C8B: variants seen among roughly 807,000 people sequenced by gnomAD.
The protein encoded by C8B is complement C8 beta chain, also known as complement component C8 beta chain.
Under a neutral mutation model 64.6 loss-of-function variants are expected in C8B, and 67 were observed. The observed-to-expected ratio is 1.04, with a 90% confidence interval of 0.85 to 1.27. The LOEUF is 1.27. C8B is among the 50% of genes most tolerant of loss of function. The probability of loss-of-function intolerance (pLI) is 0.00; values close to 1 mark genes in which losing one functional copy is unlikely to be tolerated. For synonymous variants in C8B, 284 were observed against 257.7 expected (o/e 1.10, Z -0.98); for missense variants, 790 against 725.2 (o/e 1.09, Z -1.03).
chr1:56,950,213 T>C (rs1318823822), intron 5 of C8B, among the ~76,000 whole-genome samples: 2 of 152,200 alleles, frequency 1.3e-5, no homozygotes, highest in Non-Finnish European at 2.9e-5. Flanking sequence ...AATTCAAGTA[T>C]GACCTAGCAG....
rs753054383 is a variant in C8B at position 56,960,156 on chromosome 1, A to C, written c.113T>G (p.Phe38Cys). The C allele has an allele frequency of 1.9e-6, 3 of 1,614,188 alleles. No homozygotes were observed. In the East Asian group the frequency reaches 6.7e-5, roughly 36 times the overall value. ...GCTCTTGTTGACTGCATTTGACCCA[A>C]AGGAATGTGGCCTTTCACCTCTAAA... is the stretch of plus-strand genomic sequence containing the variant. ...PGSRGERPHS[F>C]GSNAVNKSFA... Residue 38 changes from phenylalanine to cysteine, a missense_variant, in exon 2 of 12, where the codon TTT (phenylalanine) becomes TGT (cysteine). By Grantham distance (205) the Phe-to-Cys change is radical. Coordinates refer to ENST00000371237, the MANE Select transcript of C8B (RefSeq NM_000066.4).
chr1:56,955,405 G>T (rs1378094594), intron 3 of C8B, among the ~76,000 whole-genome samples: 1 of 152,166 alleles, frequency 6.6e-6, no homozygotes, highest in Non-Finnish European at 1.5e-5. Context: ...CAACAACATA[G>T]TCATTTGGAT....
chr1:56,953,858 G>A (rs115511830), intron 4 of C8B, among the ~76,000 whole-genome samples: 3,015 of 152,186 alleles, frequency 0.02, 96 homozygotes, highest in African/African-American at 0.069. Flanking sequence ...CAACTTTCCC[G>A]GGCCTCAGTT....
intron 8 of C8B, among the ~76,000 whole-genome samples, chr1:56,941,399 T>C (rs1644852795): frequency 6.6e-6 from 1 of 151,894 alleles, no homozygotes; most frequent in Non-Finnish European, 1.5e-5. Flanking sequence ...GGAAGATAGA[T>C]GATAGGTAAG....
intron 10 of C8B, 25 bp downstream of exon 10, chr1:56,933,310 G>A (rs1313505839): frequency 1.9e-6 from 3 of 1,607,358 alleles, no homozygotes; most frequent in East Asian, 2.2e-5. Flanking sequence ...TTCCACCAGG[G>A]ACACCAGCTG....
chr1:56,949,453 T>C (rs1010975053), intron 6 of C8B, 102 bp downstream of exon 6: 1 of 1,127,362 alleles, frequency 8.9e-7, no homozygotes, highest in Non-Finnish European at 1.3e-6. Context: ...GCCAAGTAAA[T>C]GTCTTTTCTT....
intron 10 of C8B, among the ~76,000 whole-genome samples, chr1:56,932,533 C>T (rs1644716866): frequency 6.6e-6 from 1 of 152,138 alleles, no homozygotes; most frequent in Admixed American, 6.5e-5. Context: ...AGATTAAAAT[C>T]TTGAGTTGAT....
chr1:56,941,555 AG>A (rs1644864306), intron 8 of C8B, among the ~76,000 whole-genome samples: 1 of 150,610 alleles, frequency 6.6e-6, no homozygotes, highest in Non-Finnish European at 1.5e-5. Flanking sequence ...GATAGATAAT[AG>A]ACAGACAGAC....
chr1:56,953,716 A>T (rs1645059402), intron 4 of C8B, among the ~76,000 whole-genome samples: 1 of 152,200 alleles, frequency 6.6e-6, no homozygotes, highest in Non-Finnish European at 1.5e-5. Flanking sequence ...CACGTAGATA[A>T]GTGCCTTGCC....
chr1:56,941,909 G>GT (rs1171901062), intron 8 of C8B, among the ~76,000 whole-genome samples: 1 of 152,222 alleles, frequency 6.6e-6, no homozygotes, highest in Non-Finnish European at 1.5e-5. Flanking sequence ...CCAGGCATGA[G>GT]TCCATCTCTG....
intron 8 of C8B, among the ~76,000 whole-genome samples, chr1:56,941,309 T>C (rs1045489248): frequency 3.9e-5 from 6 of 152,096 alleles, no homozygotes; most frequent in African/African-American, 7.2e-5. Context: ...CTAGATTAGA[T>C]AGATAAATAA....
chr1:56,964,483 C>G (rs1645223675), intron 1 of C8B, among the ~76,000 whole-genome samples: 1 of 152,188 alleles, frequency 6.6e-6, no homozygotes, highest in African/African-American at 2.4e-5. Context: ...CAAGCCAGCT[C>G]TCTCACACTC....
At chr1:56,952,315 C>A in intron 4 of C8B, 135 bp from the exon 5 acceptor site, 1 of 1,205,914 alleles carries the variant, frequency 8.3e-7, no homozygotes, top group Non-Finnish European at 1.2e-6. Flanking sequence ...TCCAAGCCAG[C>A]TTTCCAGCTT....
Position 56,929,499 on chromosome 1 carries a change from G to A in C8B, c.1681C>T (p.Arg561Cys), listed in dbSNP as rs567887687. The A allele has an allele frequency of 6.6e-5, 107 of 1,613,740 alleles. No homozygotes were observed. In the South Asian group the frequency reaches 6.8e-4, roughly 10 times the overall value. The change falls in exon 12 of 12, where the codon CGT becomes TGT. Residue 561 changes from arginine to cysteine, a missense_variant. Arg to Cys is a radical substitution (Grantham distance 180). Coordinates refer to ENST00000371237, the MANE Select transcript of C8B (RefSeq NM_000066.4). ...TTACACTGCCTTTGTCTTGTCTTAC[G>A]TCTTCCAGAGCATGAAGACCAATTT... The part of the protein sequence containing the change: ...WSNWSSCSGR[R>C]KTRQRQCNNP...
intron 1 of C8B, among the ~76,000 whole-genome samples, chr1:56,964,953 C>T (rs1004631000): frequency 6.6e-6 from 1 of 152,194 alleles, no homozygotes; most frequent in Non-Finnish European, 1.5e-5. Context: ...ATAGCTGTTA[C>T]TTATTGAGTG....
chr1:56,952,099 G>A lies in C8B; in HGVS notation c.615C>T (p.Ile205=). Residue 205 remains isoleucine, a synonymous_variant, in exon 5 of 12, where the codon ATC becomes ATT. Transcript: ENST00000371237. The stretch of plus-strand genomic sequence containing the variant: ...AGGGCTTCCTAAACCTCGTGTTCAG[G>A]ATGTAATGCGGGGAGCATCCACCTG... The part of the protein sequence containing the change: ...YYAGGCSPHY[I]LNTRFRKPYN... The A allele has an allele frequency of 6.2e-7, 1 of 1,614,164 alleles. No individual in the cohort carries two copies. The highest frequency in any genetic ancestry group is 2.2e-5 in the East Asian group (1 of 44,872).
intron 11 of C8B, 87 bp downstream of exon 11, chr1:56,931,723 A>AGC: frequency 1.2e-6 from 1 of 865,734 alleles, no homozygotes; most frequent in South Asian, 1.4e-5. Flanking sequence ...CCTAGTATCC[A>AGC]GCCCCACACT....
At chr1:56,957,321 G>C (rs758615192) in intron 2 of C8B, among the ~76,000 whole-genome samples, 1 of 152,084 alleles carries the variant, frequency 6.6e-6, no homozygotes, top group African/African-American at 2.4e-5. Context: ...TACTCCACTG[G>C]GTTGATTCAA....
intron 9 of C8B, among the ~76,000 whole-genome samples, chr1:56,937,171 G>A (rs1644787295): frequency 6.6e-6 from 1 of 152,190 alleles, no homozygotes; most frequent in African/African-American, 2.4e-5. Context: ...AATGTGACTT[G>A]TTTTGACCAG....
Sources: gnomAD v4.1 joint callset for allele counts (sites outside exome capture counted in the v4.1 genomes callset) on GRCh38, gnomAD v4.1.1 for gene constraint, MANE v1.5 for transcripts, NCBI Gene and HGNC (gene_info 2026-07-23, HGNC 2026-07-21) for gene names.